The following NEK1 variants were observed in gnomAD, a reference collection of about 807,000 sequenced individuals.
NEK1 encodes the protein serine/threonine-protein kinase Nek1.
A neutral mutation model predicts 182.1 loss-of-function variants in NEK1; 137 were observed. The ratio of observed to expected loss-of-function variants is 0.75; its 90% CI spans 0.65 to 0.87. The LOEUF is 0.87. NEK1 is among the 40% of genes least tolerant of loss of function. NEK1 has a pLI of 0.00. For missense variants in NEK1, 1,391 were observed against 1,494.4 expected (o/e 0.93, Z 1.14); for synonymous variants, 513 against 492.2 (o/e 1.04, Z -0.56).
chr4:169,466,324 C>T (rs530259023), intron 26 of NEK1, among the ~76,000 whole-genome samples: 1 of 151,994 alleles, frequency 6.6e-6, no homozygotes, highest in Non-Finnish European at 1.5e-5. Context: ...CAACAAAACC[C>T]AAGCAAAAGA....
chr4:169,455,917 T>G (rs1014173461), intron 27 of NEK1, among the ~76,000 whole-genome samples: 6 of 152,308 alleles, frequency 3.9e-5, no homozygotes, highest in Middle Eastern at 3.4e-3. Flanking sequence ...TACGGCTTCT[T>G]CTCCTCAGTA....
At chr4:169,402,424 C>T (rs1433305240) in intron 32 of NEK1, among the ~76,000 whole-genome samples, 1 of 152,094 alleles carries the variant, frequency 6.6e-6, no homozygotes, top group African/African-American at 2.4e-5. Flanking sequence ...AAAATGGTCA[C>T]CAGAAATCTT....
At chr4:169,581,668 C>T (rs1016537692) in intron 10 of NEK1, among the ~76,000 whole-genome samples, 5 of 152,212 alleles carry the variant, frequency 3.3e-5, no homozygotes, top group Non-Finnish European at 5.9e-5. Flanking sequence ...ATACATTACT[C>T]GCCTATTTCA....
At chr4:169,445,964 G>GTCATTAT (rs1346405478) in intron 27 of NEK1, among the ~76,000 whole-genome samples, 1 of 151,350 alleles carries the variant, frequency 6.6e-6, no homozygotes, top group Non-Finnish European at 1.5e-5. Context: ...AGAACTGGAG[G>GTCATTAT]TCATTATCCA....
intron 2 of NEK1, 43 bp from the exon 3 acceptor site, chr4:169,602,721 T>C: frequency 1.5e-6 from 1 of 677,340 alleles, no homozygotes. Flanking sequence ...GATAAAACAT[T>C]ATAACTTCAT....
intron 33 of NEK1, 76 bp downstream of exon 33, chr4:169,401,576 G>C: frequency 3.1e-6 from 4 of 1,306,096 alleles, no homozygotes; most frequent in Non-Finnish European, 4.3e-6. Flanking sequence ...GTTCACAGCA[G>C]AGATTAGAAA....
intron 11 of NEK1, among the ~76,000 whole-genome samples, chr4:169,579,745 C>T (rs1014533042): frequency 6.7e-6 from 1 of 150,082 alleles, no homozygotes; most frequent in Non-Finnish European, 1.5e-5. Context: ...GCTGAGATTG[C>T]ACCACTACAC....
chr4:169,436,615 A>G (rs995602651), intron 28 of NEK1, among the ~76,000 whole-genome samples: 1 of 152,222 alleles, frequency 6.6e-6, no homozygotes, highest in Non-Finnish European at 1.5e-5. Context: ...TTAGCTTATG[A>G]GCAGAATTTA....
rs2149690411 is a variant in NEK1 at position 169,507,059 on chromosome 4, T to TC, written c.1984dup (p.Glu662GlyfsTer12). On this transcript the variant is annotated frameshift_variant, in exon 23 of 36. Coordinates refer to ENST00000507142, the MANE Select transcript of NEK1 (RefSeq NM_001199397.3). LOFTEE classifies it high-confidence loss of function. Reference sequence around the variant, plus strand: ...TACATGCTCTTCCCACACTTTTTTTTCTCTCTCATAAGCCTCCTTTCTCTT... The same window carrying TC: ...TACATGCTCTTCCCACACTTTTTTTTCCTCTCTCATAAGCCTCCTTTCTCTT... 6.2e-7 allele frequency: 1 copy of TC among 1,608,082 alleles called. No individual in the cohort carries two copies. The highest frequency in any genetic ancestry group is 8.5e-7 in the Non-Finnish European group (1 of 1,177,098).
At chr4:169,466,129 C>T (rs763115872) in intron 26 of NEK1, among the ~76,000 whole-genome samples, 9 of 151,756 alleles carry the variant, frequency 5.9e-5, no homozygotes, top group African/African-American at 9.7e-5. Context: ...GAAGACTGAC[C>T]GTGATAGAGG....
chr4:169,532,320 T>C, intron 19 of NEK1, among the ~76,000 whole-genome samples: 1 of 152,212 alleles, frequency 6.6e-6, no homozygotes, highest in South Asian at 2.1e-4. Flanking sequence ...ACGAAGTATG[T>C]TGCTAAAAAC....
intron 19 of NEK1, among the ~76,000 whole-genome samples, chr4:169,533,575 A>G (rs1416056502): frequency 6.6e-6 from 1 of 152,232 alleles, no homozygotes; most frequent in Non-Finnish European, 1.5e-5. Context: ...AAAGAGTTCT[A>G]TGGGAAAACT....
At chr4:169,450,054 C>A (rs771703148) in intron 27 of NEK1, among the ~76,000 whole-genome samples, 1 of 151,942 alleles carries the variant, frequency 6.6e-6, no homozygotes, top group African/African-American at 2.4e-5. Context: ...ATAGCTGATT[C>A]GATCAAGTGG....
chr4:169,557,875 G>C (rs1762377746), intron 16 of NEK1, among the ~76,000 whole-genome samples: 1 of 152,140 alleles, frequency 6.6e-6, no homozygotes, highest in Admixed American at 6.5e-5. Flanking sequence ...AGGCTACAGT[G>C]AGTCATGATC....
intron 31 of NEK1, among the ~76,000 whole-genome samples, chr4:169,422,386 A>G (rs1735639668): frequency 6.6e-6 from 1 of 152,230 alleles, no homozygotes; most frequent in Non-Finnish European, 1.5e-5. Flanking sequence ...ATGATCCACT[A>G]TAGAAAAAGT....
intron 23 of NEK1, among the ~76,000 whole-genome samples, chr4:169,497,611 T>C (rs1751589913): frequency 6.6e-6 from 1 of 152,216 alleles, no homozygotes; most frequent in South Asian, 2.1e-4. Flanking sequence ...TGTGTCTTTG[T>C]TCTCATTGGT....
At chr4:169,426,029 TTGAGA>T in intron 30 of NEK1, 112 bp downstream of exon 30, 2 of 717,336 alleles carry the variant, frequency 2.8e-6, no homozygotes, top group Non-Finnish European at 4.7e-6. Context: ...TTTTAAATGA[TTGAGA>T]TGACTGATAA....
intron 5 of NEK1, among the ~76,000 whole-genome samples, chr4:169,594,883 C>T (rs1036901181): frequency 6.6e-6 from 1 of 152,150 alleles, no homozygotes; most frequent in African/African-American, 2.4e-5. Flanking sequence ...CCATTTTTAT[C>T]CTCAAGAAAA....
At chr4:169,536,003 A>G (rs1758433997) in intron 19 of NEK1, among the ~76,000 whole-genome samples, 1 of 151,452 alleles carries the variant, frequency 6.6e-6, no homozygotes, top group African/African-American at 2.4e-5. Flanking sequence ...ACATGAAGAA[A>G]ACTACACAAG....
Sources: allele counts gnomAD v4.1 joint callset (sites outside exome capture counted in the v4.1 genomes callset), GRCh38; gene constraint gnomAD v4.1.1; transcripts MANE v1.5; gene names NCBI Gene and HGNC (gene_info 2026-07-23, HGNC 2026-07-21).